The following GRHL2 variants were observed in gnomAD, a reference collection of about 807,000 sequenced individuals.
GRHL2 encodes grainyhead-like protein 2 homolog.
A neutral mutation model predicts 83.8 loss-of-function variants in GRHL2; 21 were observed. That is an observed-to-expected ratio of 0.25 (90% CI 0.18 to 0.36). The LOEUF is 0.36. Among genes scored for constraint, GRHL2 ranks in the 10% least tolerant of loss-of-function variants. The probability of loss-of-function intolerance (pLI) is 1.00; values close to 1 mark genes in which losing one functional copy is unlikely to be tolerated. For synonymous variants in GRHL2, 280 were observed against 278.9 expected (o/e 1.00, Z -0.04); for missense variants, 623 against 781.8 (o/e 0.80, Z 2.42).
chr8:101,563,984 C>T (rs1164725489), intron 4 of GRHL2, among the ~76,000 whole-genome samples: 1 of 152,018 alleles, frequency 6.6e-6, no homozygotes, highest in Non-Finnish European at 1.5e-5. Context: ...AATCATCATG[C>T]TATTTGGGGG....
intron 14 of GRHL2, among the ~76,000 whole-genome samples, chr8:101,654,009 C>T (rs1813732004): frequency 6.6e-6 from 1 of 152,152 alleles, no homozygotes; most frequent in Non-Finnish European, 1.5e-5. Flanking sequence ...GCACATTCTG[C>T]GAAGGTAGTT....
chr8:101,507,448 AG>A (rs1216058646), intron 1 of GRHL2, among the ~76,000 whole-genome samples: 9 of 152,158 alleles, frequency 5.9e-5, no homozygotes, highest in Admixed American at 1.3e-4. Flanking sequence ...TAAATGTAAA[AG>A]TATCAGAAAA....
intron 4 of GRHL2, among the ~76,000 whole-genome samples, chr8:101,563,316 A>C (rs1252064290): frequency 6.6e-6 from 1 of 152,032 alleles, no homozygotes; most frequent in African/African-American, 2.4e-5. Context: ...ATTCACCAAA[A>C]TCTTTTTAAA....
intron 9 of GRHL2, among the ~76,000 whole-genome samples, chr8:101,624,681 C>G (rs1158951109): frequency 6.6e-6 from 1 of 151,010 alleles, no homozygotes; most frequent in Non-Finnish European, 1.5e-5. Context: ...CATAGTAGGA[C>G]AGTTTCCATG....
At chr8:101,554,687 T>C (rs1205012975) in intron 3 of GRHL2, among the ~76,000 whole-genome samples, 4 of 152,244 alleles carry the variant, frequency 2.6e-5, no homozygotes, top group Non-Finnish European at 4.4e-5. Flanking sequence ...ACTGTTTGTA[T>C]ACAGAAGTTG....
chr8:101,502,334 A>G (rs1810246658), intron 1 of GRHL2, among the ~76,000 whole-genome samples: 1 of 152,226 alleles, frequency 6.6e-6, no homozygotes, highest in Non-Finnish European at 1.5e-5. Flanking sequence ...AACATTAGCA[A>G]GACAGGAGGT....
downstream of GRHL2, among the ~76,000 whole-genome samples, chr8:101,671,725 G>A (rs913063407): frequency 8.5e-5 from 13 of 152,296 alleles, no homozygotes; most frequent in East Asian, 1.2e-3. Flanking sequence ...ATCTGAGAAC[G>A]GGCAGACTGC....
chr8:101,602,961 C>T (rs929334641), intron 8 of GRHL2, among the ~76,000 whole-genome samples: 1 of 152,126 alleles, frequency 6.6e-6, no homozygotes, highest in Non-Finnish European at 1.5e-5. Flanking sequence ...CCTCATGGGG[C>T]TGCAGTGGCA....
intron 12 of GRHL2, among the ~76,000 whole-genome samples, chr8:101,638,068 A>T (rs1449014461): frequency 6.6e-6 from 1 of 152,202 alleles, no homozygotes; most frequent in Non-Finnish European, 1.5e-5. Context: ...TTATACTCAA[A>T]GCAATCTAGA....
At chr8:101,609,251 C>T (rs531736934) in intron 8 of GRHL2, among the ~76,000 whole-genome samples, 1 of 150,546 alleles carries the variant, frequency 6.6e-6, no homozygotes, top group East Asian at 1.9e-4. Flanking sequence ...AGGAGAGGGC[C>T]ACCAAAGTCC....
At chr8:101,528,815 A>T in intron 1 of GRHL2, 1 of 338,782 alleles carries the variant, frequency 3.0e-6, no homozygotes, top group South Asian at 2.9e-5. Flanking sequence ...GAGATTGAAG[A>T]GCCATTCAAA....
intron 1 of GRHL2, among the ~76,000 whole-genome samples, chr8:101,524,796 T>TA (rs1348598939): frequency 6.6e-5 from 10 of 151,080 alleles, no homozygotes; most frequent in African/African-American, 2.5e-4. Flanking sequence ...AATACTGGCT[T>TA]TAAAAAAAAA....
At position 101,667,860 on chromosome 8, in the gene GRHL2, T is replaced by TACAA. The variant is rs927279096; in HGVS notation, c.*1161_*1164dup. On this transcript the variant is annotated 3_prime_UTR_variant, in exon 16 of 16. Transcript: ENST00000646743. ...GGACACTGTACTGTGCCTCCCAGTT[T>TACAA]ACAAACACGCCCTTCATCTCAAGTG... 18 of 152,760 alleles carry TACAA rather than the reference T, an allele frequency of 1.2e-4. No homozygotes were observed. Among genetic ancestry groups the TACAA allele is most frequent in the African/African-American group, 4.3e-4 (18 of 41,458 alleles). The allele number at this position is 152,760 out of a possible 1,614,324, so 9.5% of individuals were successfully genotyped here. A position where few individuals can be genotyped will look rare whatever the true frequency, so the allele number is the denominator to read the frequency against.
chr8:101,517,489 G>A (rs1050236343), intron 1 of GRHL2, among the ~76,000 whole-genome samples: 2 of 152,136 alleles, frequency 1.3e-5, no homozygotes, highest in African/African-American at 4.8e-5. Context: ...AGCGCAAAGG[G>A]CTGTGCTGTC....
downstream of GRHL2, among the ~76,000 whole-genome samples, chr8:101,670,002 T>C (rs189169329): frequency 1.8e-4 from 28 of 152,298 alleles, no homozygotes; most frequent in East Asian, 5.2e-3. Flanking sequence ...GGGAGTTGGT[T>C]CTGTTCACTT....
intron 14 of GRHL2, among the ~76,000 whole-genome samples, chr8:101,656,737 T>C (rs575720613): frequency 6.6e-6 from 1 of 152,210 alleles, no homozygotes; most frequent in Non-Finnish European, 1.5e-5. Context: ...AAATGGGATA[T>C]AGGATTGTTG....
At chr8:101,526,695 G>A (rs1277788595) in intron 1 of GRHL2, among the ~76,000 whole-genome samples, 2 of 151,916 alleles carry the variant, frequency 1.3e-5, no homozygotes, top group Non-Finnish European at 2.9e-5. Flanking sequence ...ATTCTTTCAG[G>A]TAAAAATGGA....
At chr8:101,539,107 C>T (rs895191992) in intron 1 of GRHL2, among the ~76,000 whole-genome samples, 6 of 152,130 alleles carry the variant, frequency 3.9e-5, no homozygotes, top group African/African-American at 1.4e-4. Context: ...AGGGAAAAAT[C>T]CCTCCAGTGA....
At chr8:101,556,858 C>T (rs1242265248) in intron 3 of GRHL2, among the ~76,000 whole-genome samples, 6 of 152,172 alleles carry the variant, frequency 3.9e-5, no homozygotes, top group Non-Finnish European at 5.9e-5. Context: ...TGTCCTAGTC[C>T]TTCAAATTAC....
Sources: gnomAD v4.1 joint callset for allele counts (sites outside exome capture counted in the v4.1 genomes callset) on GRCh38, gnomAD v4.1.1 for gene constraint, MANE v1.5 for transcripts, NCBI Gene and HGNC (gene_info 2026-07-23, HGNC 2026-07-21) for gene names.